Variants in ARRDC1 observed in about 807,000 individuals in gnomAD.
The protein encoded by ARRDC1 is arrestin domain containing 1, also known as arrestin domain-containing protein 1.
A neutral mutation model predicts 40.1 loss-of-function variants in ARRDC1; 37 were observed. That is an observed-to-expected ratio of 0.92 (90% CI 0.71 to 1.21). The LOEUF (loss-of-function observed/expected upper bound fraction) is 1.21. Ranked by LOEUF, ARRDC1 falls within the 50% of genes most tolerant of loss-of-function variation. The pLI is 0.00. For missense variants in ARRDC1, 641 were observed against 581.9 expected, an observed-to-expected ratio of 1.10 and a Z score of -1.04; for synonymous variants, 310 against 262.5, an observed-to-expected ratio of 1.18 and a Z score of -1.75.
In ARRDC1 at chr9:137,614,191, C is replaced by T. The variant is rs779799268; in HGVS notation, c.595C>T (p.Pro199Ser). Residue 199 changes from proline (P) to serine (S), a missense_variant, in exon 5 of 8, where the codon CCT becomes TCT. Physicochemically the swap from Pro to Ser is moderately conservative, Grantham distance 74. Transcript: ENST00000371421. ...VENQSGKDTS[P>S]VVASLLQKVS... ...GAACCAGTCAGGCAAGGACACCAGCCCTGTGGTGGCCAGTCTGCTGCAGGT... is the reference window on the plus strand; with the variant it reads ...GAACCAGTCAGGCAAGGACACCAGCTCTGTGGTGGCCAGTCTGCTGCAGGT... The T allele has an allele frequency of 3.1e-6, 5 of 1,602,032 alleles. No homozygotes were observed. The South Asian group carries it at 5.5e-5, about 18-fold the overall frequency.
chr9:137,608,954 G>A (rs1009928173), intron 1 of ARRDC1, among the ~76,000 whole-genome samples: 7 of 152,222 alleles, frequency 4.6e-5, no homozygotes, highest in African/African-American at 1.7e-4. Context: ...CACAGAACCT[G>A]GACCCTTAGG....
In ARRDC1 at chr9:137,614,167, AACCAGTCAGGCAAGGAC is replaced by A. The variant is rs747525106; in HGVS notation, c.577_593del (p.Ser193ProfsTer13). ...ACTGCAGCTGCATGCCGACGTTGAG[AACCAGTCAGGCAAGGAC>A]ACCAGCCCTGTGGTGGCCAGTCTGC... On this transcript the variant is annotated frameshift_variant, in exon 5 of 8. Coordinates refer to ENST00000371421, the MANE Select transcript of ARRDC1 (RefSeq NM_152285.4). LOFTEE classifies it high-confidence loss of function. 6.2e-7 allele frequency: 1 copy of A among 1,611,752 alleles called. No individual in the cohort carries two copies. Among genetic ancestry groups the A allele is most frequent in the South Asian group, 1.1e-5 (1 of 90,982 alleles).
At position 137,614,842 on chromosome 9, in the gene ARRDC1, C is replaced by T. The variant is rs1842637247; in HGVS notation, c.1079C>T (p.Pro360Leu). ...SSVPGAPEPC[P>L]QDGSPASHPL... ...GTGCCTGGTGCGCCGGAGCCCTGCC[C>T]TCAGGATGGCAGCCCTGCCTCACAC... The change falls in exon 7 of 8, where the codon CCT becomes CTT. Residue 360 changes from proline to leucine, a missense_variant. Pro to Leu is a moderately conservative substitution (Grantham distance 98). Transcript: ENST00000371421. The T allele has an allele frequency of 7.4e-6, 12 of 1,613,408 alleles. No homozygotes were observed. Among genetic ancestry groups the T allele is most frequent in the African/African-American group, 1.3e-5 (1 of 74,916 alleles).
rs1468447987 is a variant in ARRDC1, at chr9:137,605,727, G to A, written c.10G>A (p.Val4Met). Residue 4 changes from valine to methionine, a missense_variant, in exon 1 of 8, where the codon GTG (valine) becomes ATG (methionine). Val to Met is a conservative substitution (Grantham distance 21, BLOSUM62 1). Transcript: ENST00000371421. MGR[V>M]QLFEISLSHG... Reference sequence around the variant, plus strand: ...CCGGTGAGGCCGCGGCATGGGGCGAGTGCAGCTCTTCGAGATCAGCCTGAG... The same window carrying A: ...CCGGTGAGGCCGCGGCATGGGGCGAATGCAGCTCTTCGAGATCAGCCTGAG... 2 of 1,384,136 alleles carry A rather than the reference G, an allele frequency of 1.4e-6. No homozygotes were observed. Among genetic ancestry groups the A allele is most frequent in the South Asian group, 1.5e-5 (1 of 65,974 alleles). 85.7% of individuals were successfully genotyped at this position (1,384,136 alleles called of 1,614,324 possible). A position where few individuals can be genotyped will look rare whatever the true frequency, so the allele number is the denominator to read the frequency against.
chr9:137,608,562 G>A (rs1842462040), intron 1 of ARRDC1, among the ~76,000 whole-genome samples: 2 of 152,242 alleles, frequency 1.3e-5, no homozygotes, highest in Admixed American at 1.3e-4. Context: ...CCCTCACAAT[G>A]GACCCCATGT....
At chr9:137,613,357 G>A (rs1469703910) in intron 2 of ARRDC1, 103 bp from the exon 3 acceptor site, 1 of 1,304,244 alleles carries the variant, frequency 7.7e-7, no homozygotes, top group Non-Finnish European at 1.1e-6. Context: ...GGGAGACCCA[G>A]TGTGAGCTGG....
At position 137,605,765 on chromosome 9, in the gene ARRDC1, C is replaced by T. The variant is rs1038771459; in HGVS notation, c.48C>T (p.Val16=). 3.4e-5 allele frequency: 47 copies of T among 1,364,324 alleles called. No homozygotes were observed. The highest frequency in any genetic ancestry group is 4.1e-5 in the Non-Finnish European group (43 of 1,055,760). 84.5% of individuals were successfully genotyped at this position (1,364,324 alleles called of 1,614,324 possible). ...AGATCAGCCTGAGCCACGGCCGCGT[C>T]GTCTACAGCCCCGGGGAGCCGTTGG... ...LFEISLSHGR[V]VYSPGEPLAG... The change falls in exon 1 of 8, where the codon GTC becomes GTT. Residue 16 remains valine (V), a synonymous_variant. Transcript: ENST00000371421.
rs368665292 is a variant in ARRDC1 at position 137,612,992 on chromosome 9, C to T, written c.215C>T (p.Ser72Leu). 44 of 1,613,562 alleles carry T rather than the reference C, an allele frequency of 2.7e-5. No homozygotes were observed. The highest frequency in any genetic ancestry group is 1.6e-4 in the Middle Eastern group (1 of 6,084). The change falls in exon 2 of 8, where the codon TCG (serine) becomes TTG (leucine). Residue 72 changes from serine (S) to leucine (L), a missense_variant. Coordinates refer to ENST00000371421, the MANE Select transcript of ARRDC1 (RefSeq NM_152285.4). ...VEEGYFNSSL[S>L]LADKGSLPAG... Reference sequence around the variant, plus strand: ...GAGGGTTACTTCAACAGTTCCCTGTCGCTGGCAGACAAGGGTAAGTTTGGG... The same window carrying T: ...GAGGGTTACTTCAACAGTTCCCTGTTGCTGGCAGACAAGGGTAAGTTTGGG...
chr9:137,605,786 G>A lies in ARRDC1; in HGVS notation c.69G>A (p.Pro23=), dbSNP rs1323837671. Residue 23 remains proline, a synonymous_variant, in exon 1 of 8, where the codon CCG becomes CCA. Coordinates refer to ENST00000371421, the MANE Select transcript of ARRDC1 (RefSeq NM_152285.4). ...HGRVVYSPGE[P]LAGTVRVRLG... Reference sequence around the variant, plus strand: ...GCGTCGTCTACAGCCCCGGGGAGCCGTTGGCTGGGACCGTGCGCGTGCGCC... The same window carrying A: ...GCGTCGTCTACAGCCCCGGGGAGCCATTGGCTGGGACCGTGCGCGTGCGCC... 6 of 1,339,624 alleles carry A rather than the reference G, an allele frequency of 4.5e-6. No individual in the cohort carries two copies. The highest frequency in any genetic ancestry group is 2.7e-4 in the Middle Eastern group (1 of 3,766). 83.0% of individuals were successfully genotyped at this position (1,339,624 alleles called of 1,614,324 possible). A position where few individuals can be genotyped will look rare whatever the true frequency, so the allele number is the denominator to read the frequency against.
chr9:137,614,965 T>C lies in ARRDC1; in HGVS notation c.1202T>C (p.Leu401Pro), dbSNP rs768449695. 3.3e-5 allele frequency: 54 copies of C among 1,613,856 alleles called. No individual in the cohort carries two copies. The highest frequency in any genetic ancestry group is 1.7e-4 in the Middle Eastern group (1 of 6,060). The change falls in exon 7 of 8, where the codon CTT (leucine) becomes CCT (proline). Residue 401 changes from leucine (L) to proline (P), a missense_variant. By Grantham distance (98) the Leu-to-Pro change is moderately conservative. Coordinates refer to ENST00000371421, the MANE Select transcript of ARRDC1 (RefSeq NM_152285.4). ...GPVPTTSTLI[L>P]PPEYSSWGYP... ...GTGCCCACTACCAGCACCTTGATTC[T>C]TCCTCCAGAGTACAGTTCTTGGGGC...
Position 137,613,949 on chromosome 9 carries a change from G to A in ARRDC1, c.436-83G>A, listed in dbSNP as rs1433953659. 3 of 1,570,232 alleles carry A rather than the reference G, an allele frequency of 1.9e-6. 1 individual carries two copies. In the South Asian group the frequency reaches 3.5e-5, roughly 18 times the overall value. Reference sequence around the variant, plus strand: ...TGCTGATGTCCAGGGGCAGGGCGTGGCAGGGCTGAGGGGCCTGTCCCAATG... The same window carrying A: ...TGCTGATGTCCAGGGGCAGGGCGTGACAGGGCTGAGGGGCCTGTCCCAATG... On this transcript the variant is annotated intron_variant, in intron 4 of 7. Transcript: ENST00000371421.
In ARRDC1 at chr9:137,612,911, G is replaced by A; in HGVS notation, c.134G>A (p.Cys45Tyr). 6.2e-7 allele frequency: 1 copy of A among 1,614,010 alleles called. No homozygotes were observed. Among genetic ancestry groups the A allele is most frequent in the Non-Finnish European group, 8.5e-7 (1 of 1,179,932 alleles). ...CCCTTTGCAGCCATCCGGGTGACCT[G>A]CATAGGTTCCTGCGGGGTCTCCAAC... is the stretch of plus-strand genomic sequence containing the variant. Reference protein sequence around the residue: ...PLPFRAIRVTCIGSCGVSNKA... With the variant: ...PLPFRAIRVTYIGSCGVSNKA... Residue 45 changes from cysteine (C) to tyrosine (Y), a missense_variant, in exon 2 of 8, where the codon TGC (cysteine) becomes TAC (tyrosine). Coordinates refer to ENST00000371421, the MANE Select transcript of ARRDC1 (RefSeq NM_152285.4).
rs35018943 is a variant in ARRDC1 at position 137,614,850 on chromosome 9, G to C, written c.1087G>C (p.Gly363Arg). 6.2e-7 allele frequency: 1 copy of C among 1,613,422 alleles called. No homozygotes were observed. ...PGAPEPCPQD[G>R]SPASHPLHPP... Reference sequence around the variant, plus strand: ...TGCGCCGGAGCCCTGCCCTCAGGATGGCAGCCCTGCCTCACACCCGCTGCA... The same window carrying C: ...TGCGCCGGAGCCCTGCCCTCAGGATCGCAGCCCTGCCTCACACCCGCTGCA... The change falls in exon 7 of 8, where the codon GGC becomes CGC. Residue 363 changes from glycine to arginine, a missense_variant. Gly to Arg is a moderately radical substitution (Grantham distance 125). Coordinates refer to ENST00000371421, the MANE Select transcript of ARRDC1 (RefSeq NM_152285.4).
chr9:137,605,768 C>G lies in ARRDC1; in HGVS notation c.51C>G (p.Val17=). 7.3e-7 allele frequency: 1 copy of G among 1,361,258 alleles called. No homozygotes were observed. Among genetic ancestry groups the G allele is most frequent in the East Asian group, 3.2e-5 (1 of 31,542 alleles). 84.3% of individuals were successfully genotyped at this position (1,361,258 alleles called of 1,614,324 possible). The change falls in exon 1 of 8, where the codon GTC becomes GTG. Residue 17 remains valine, a synonymous_variant. Coordinates refer to ENST00000371421, the MANE Select transcript of ARRDC1 (RefSeq NM_152285.4). ...TCAGCCTGAGCCACGGCCGCGTCGT[C>G]TACAGCCCCGGGGAGCCGTTGGCTG... ...FEISLSHGRV[V]YSPGEPLAGT... is the part of the protein sequence containing the mutation.
At chr9:137,613,115 AC>A (rs1369871606) in intron 2 of ARRDC1, 109 bp downstream of exon 2, 1 of 924,040 alleles carries the variant, frequency 1.1e-6, no homozygotes, top group Non-Finnish European at 1.7e-6. Context: ...TGGATCTGGC[AC>A]TGGCCCATCT....
rs566613136 is a variant in ARRDC1, at chr9:137,611,059, C to G, written c.119-1837C>G. Among the ~76,000 whole-genome samples, 8 of 152,340 alleles carry G rather than the reference C, an allele frequency of 5.3e-5. No homozygotes were observed. In the South Asian group the frequency reaches 1.7e-3, roughly 32 times the overall value. ...CAGTCTGTCAGGAGTGTTAAAAGCA[C>G]GGCAGCATTTCCAGTCCCCAGGCCT... On this transcript the variant is annotated intron_variant, in intron 1 of 7. Coordinates refer to ENST00000371421, the MANE Select transcript of ARRDC1 (RefSeq NM_152285.4).
chr9:137,609,968 C>G (rs1166790370), intron 1 of ARRDC1, among the ~76,000 whole-genome samples: 1 of 152,200 alleles, frequency 6.6e-6, no homozygotes, highest in Non-Finnish European at 1.5e-5. Flanking sequence ...CGCCCGCCAC[C>G]ACACCCGGCT....
In ARRDC1 at chr9:137,608,579, C is replaced by T. The variant is rs564381161; in HGVS notation, c.118+2744C>T. Among the ~76,000 whole-genome samples the T allele has an allele frequency of 4.6e-5, 7 of 152,380 alleles. No individual in the cohort carries two copies. The South Asian group carries it at 1.2e-3, about 27-fold the overall frequency. On this transcript the variant is annotated intron_variant, in intron 1 of 7. Transcript: ENST00000371421. ...CTCACAATGGACCCCATGTATTGCT[C>T]TGGCTTCTCCGTGGGCAGAACTGCA...
In ARRDC1 at chr9:137,614,886, T is replaced by C. The variant is rs1444244984; in HGVS notation, c.1123T>C (p.Cys375Arg). The C allele has an allele frequency of 6.2e-7, 1 of 1,613,782 alleles. No individual in the cohort carries two copies. ...CTCACACCCGCTGCACCCTCCCTTG[T>C]GCATTTCAACAGGTGCCACTGTCCC... is the stretch of plus-strand genomic sequence containing the variant. ...PASHPLHPPL[C>R]ISTGATVPYF... is the part of the protein sequence containing the mutation. Residue 375 changes from cysteine (C) to arginine (R), a missense_variant, in exon 7 of 8, where the codon TGC (cysteine) becomes CGC (arginine). By Grantham distance (180) the Cys-to-Arg change is radical. Coordinates refer to ENST00000371421, the MANE Select transcript of ARRDC1 (RefSeq NM_152285.4).
Sources: gnomAD v4.1 joint callset for allele counts (sites outside exome capture counted in the v4.1 genomes callset) on GRCh38, gnomAD v4.1.1 for gene constraint, MANE v1.5 for transcripts, NCBI Gene and HGNC (gene_info 2026-07-23, HGNC 2026-07-21) for gene names.